DMD: variants seen among roughly 807,000 people sequenced by gnomAD.
The protein encoded by DMD is dystrophin, also known as mutant dystrophin.
Under a neutral mutation model 330.1 loss-of-function variants are expected in DMD, and 63 were observed. The observed-to-expected ratio is 0.19, with a 90% CI of 0.16 to 0.24. The LOEUF (loss-of-function observed/expected upper bound fraction) is 0.24, where lower values mean the gene tolerates loss of function less well. Ranked by LOEUF, DMD falls within the 10% of genes least tolerant of loss-of-function variation. The pLI, the probability that DMD is intolerant of heterozygous loss-of-function variation, is 1.00. For synonymous variants in DMD, 1,223 were observed against 959.8 expected (o/e 1.27, Z -5.07); for missense variants, 3,344 against 2,684.1 (o/e 1.25, Z -5.43).
At chrX:31,383,643 C>T (rs1404696842) in intron 60 of DMD, among the ~76,000 whole-genome samples, 1 of 111,834 alleles carries the variant, frequency 8.9e-6, no homozygotes, top group African/African-American at 3.2e-5. Flanking sequence ...CCATAGCCCA[C>T]CCTGCCCTCC....
At chrX:32,423,638 G>C (rs1413867543) in intron 29 of DMD, among the ~76,000 whole-genome samples, 1 of 110,136 alleles carries the variant, frequency 9.1e-6, no homozygotes, top group Admixed American at 9.8e-5. Context: ...ACTGTCCAAG[G>C]AAACATTATT....
chrX:32,869,012 T>G (rs1321455704), intron 2 of DMD, among the ~76,000 whole-genome samples: 2 of 111,355 alleles, frequency 1.8e-5, no homozygotes, highest in Admixed American at 9.5e-5. Flanking sequence ...TGGCATCTGG[T>G]CAGTGACCCT....
chrX:32,004,541 G>T (rs1423010819), intron 44 of DMD, among the ~76,000 whole-genome samples: 1 of 111,236 alleles, frequency 9.0e-6, no homozygotes, highest in African/African-American at 3.3e-5. Context: ...TACATTTTAT[G>T]TTACCATCCT....
chrX:31,695,954 A>T (rs1274611747), intron 52 of DMD, among the ~76,000 whole-genome samples: 1 of 111,675 alleles, frequency 9.0e-6, no homozygotes, highest in Non-Finnish European at 1.9e-5. Context: ...AATGAGAAGT[A>T]TTTGAGGTGA....
At chrX:32,305,357 G>C (rs748649248) in intron 42 of DMD, among the ~76,000 whole-genome samples, 46 of 111,295 alleles carry the variant, frequency 4.1e-4, no homozygotes, top group Admixed American at 6.7e-4. Flanking sequence ...AAGAATCGAA[G>C]ACTAAAATAT....
chrX:31,417,908 C>T (rs978412678), intron 60 of DMD, among the ~76,000 whole-genome samples: 4 of 108,927 alleles, frequency 3.7e-5, no homozygotes, highest in Non-Finnish European at 7.6e-5. Context: ...AGGCTGGTCT[C>T]GAACTCCTGA....
At chrX:32,586,460 T>C (rs2149217305) in intron 13 of DMD, among the ~76,000 whole-genome samples, 1 of 108,841 alleles carries the variant, frequency 9.2e-6, no homozygotes, top group Admixed American at 9.9e-5. Flanking sequence ...TATATGTTTA[T>C]ATTATATATA....
At chrX:33,213,231 T>C (rs1343647310), upstream of DMD, among the ~76,000 whole-genome samples, 1 of 111,656 alleles carries the variant, frequency 9.0e-6, no homozygotes, top group Non-Finnish European at 1.9e-5. Flanking sequence ...GTAACAAAGA[T>C]GTGTCCTGGG....
chrX:32,584,554 G>A (rs763765201), intron 13 of DMD, among the ~76,000 whole-genome samples: 4 of 111,543 alleles, frequency 3.6e-5, no homozygotes, highest in Non-Finnish European at 7.5e-5. Flanking sequence ...TGTAAAATGT[G>A]GTATATTCAT....
rs932989927 is a variant in DMD at position 32,629,932 on chromosome X, T to C, written c.1331+14200A>G. 4.5e-5 allele frequency among the ~76,000 whole-genome samples: 5 copies of C among 111,554 alleles called. No homozygotes were observed. In the South Asian group the frequency reaches 1.9e-3, roughly 42 times the overall value. On this transcript the variant is annotated intron_variant, in intron 11 of 78. Coordinates refer to ENST00000357033, the MANE Select transcript of DMD (RefSeq NM_004006.3). ...TTTGATAGGTTCGTCTTTTAGTCTTTTTACTCAAGATATGGGTAGTTGAGA... is the reference window on the plus strand; with the variant it reads ...TTTGATAGGTTCGTCTTTTAGTCTTCTTACTCAAGATATGGGTAGTTGAGA...
At chrX:32,744,121 T>A (rs1335087851) in intron 7 of DMD, among the ~76,000 whole-genome samples, 1 of 110,593 alleles carries the variant, frequency 9.0e-6, no homozygotes, top group Non-Finnish European at 1.9e-5. Context: ...GGCTTTTCAG[T>A]TACCCTCTAC....
At chrX:32,789,541 G>A (rs1185827014) in intron 7 of DMD, among the ~76,000 whole-genome samples, 1 of 112,006 alleles carries the variant, frequency 8.9e-6, no homozygotes, top group African/African-American at 3.2e-5. Context: ...TTGCCATAAA[G>A]CTTCCCCAAC....
At chrX:32,622,796 C>T (rs990251381) in intron 11 of DMD, among the ~76,000 whole-genome samples, 1 of 111,658 alleles carries the variant, frequency 9.0e-6, no homozygotes, top group Non-Finnish European at 1.9e-5. Flanking sequence ...GCTTCTCAAA[C>T]TTAAATATGG....
At chrX:32,624,207 C>G (rs762595067) in intron 11 of DMD, among the ~76,000 whole-genome samples, 2 of 111,576 alleles carry the variant, frequency 1.8e-5, no homozygotes, top group Non-Finnish European at 3.8e-5. Context: ...GTCATTTAGA[C>G]GGGAAAGTAA....
At chrX:32,708,333 T>C (rs2064875769) in intron 7 of DMD, among the ~76,000 whole-genome samples, 1 of 108,211 alleles carries the variant, frequency 9.2e-6, no homozygotes, top group African/African-American at 3.4e-5. Flanking sequence ...CCACTACATA[T>C]AAAAGAGCTT....
chrX:31,347,037 G>GAAAAAAAAAAAAAAAA (rs1491435471), intron 61 of DMD, among the ~76,000 whole-genome samples: 1 of 23,362 alleles, frequency 4.3e-5, no homozygotes, highest in Non-Finnish European at 6.6e-5. Flanking sequence ...AAAAAAAAAA[G>GAAAAAAAAAAAAAAAA]GAAGGATGCA....
intron 41 of DMD, among the ~76,000 whole-genome samples, chrX:32,324,502 T>C (rs1263048868): frequency 9.0e-6 from 1 of 111,289 alleles, no homozygotes; most frequent in Non-Finnish European, 1.9e-5. Context: ...GTCAAAATAA[T>C]AGCATCAAAT....
intron 44 of DMD, among the ~76,000 whole-genome samples, chrX:32,175,302 C>T (rs1046409888): frequency 6.4e-5 from 7 of 109,718 alleles, no homozygotes; most frequent in Non-Finnish European, 1.1e-4. Flanking sequence ...CACCAATCAG[C>T]GCTCTGTAAA....
chrX:33,108,512 C>T (rs745483858), intron 1 of DMD, among the ~76,000 whole-genome samples: 1 of 108,711 alleles, frequency 9.2e-6, no homozygotes, highest in South Asian at 4.2e-4. Context: ...GTGATCGGAC[C>T]GCCTCAGCCT....
Sources: gnomAD v4.1 joint callset for allele counts (sites outside exome capture counted in the v4.1 genomes callset) on GRCh38, gnomAD v4.1.1 for gene constraint, MANE v1.5 for transcripts, NCBI Gene and HGNC (gene_info 2026-07-23, HGNC 2026-07-21) for gene names.